The following RBFOX2 variants were observed in gnomAD, a reference collection of about 807,000 sequenced individuals.
The protein encoded by RBFOX2 is RNA binding protein fox-1 homolog 2.
RBFOX2 carries 10 observed loss-of-function variants against 49.1 expected under a neutral mutation model. The ratio of observed to expected loss-of-function variants is 0.20; its 90% confidence interval spans 0.13 to 0.35. The LOEUF is 0.35. Ranked by LOEUF, RBFOX2 falls within the 10% of genes least tolerant of loss-of-function variation. RBFOX2 has a pLI of 1.00. For missense variants in RBFOX2, 323 were observed against 486.9 expected (o/e 0.66, Z 3.17); for synonymous variants, 183 against 187.4 (o/e 0.98, Z 0.19).
intron 1 of RBFOX2, among the ~76,000 whole-genome samples, chr22:35,944,753 T>C (rs192775172): frequency 2.0e-5 from 3 of 151,994 alleles, no homozygotes; most frequent in African/African-American, 7.2e-5. Flanking sequence ...AAACTGGAAA[T>C]ACACAACAAA....
intron 1 of RBFOX2, among the ~76,000 whole-genome samples, chr22:35,946,313 G>A (rs1346805245): frequency 6.6e-6 from 1 of 152,184 alleles, no homozygotes; most frequent in Non-Finnish European, 1.5e-5. Context: ...ACAGATATAT[G>A]TAACTCCTTT....
chr22:35,842,204 G>GTAAC (rs1220738702), upstream of RBFOX2, among the ~76,000 whole-genome samples: 1 of 152,192 alleles, frequency 6.6e-6, no homozygotes, highest in Non-Finnish European at 1.5e-5. Context: ...AGAAACTGAT[G>GTAAC]TAACATAGTA....
chr22:35,788,488 G>T (rs532205040), intron 2 of RBFOX2, among the ~76,000 whole-genome samples: 1 of 152,192 alleles, frequency 6.6e-6, no homozygotes, highest in Non-Finnish European at 1.5e-5. Context: ...GTTTAGCACA[G>T]TAAATTTTTT....
intron 1 of RBFOX2, chr22:35,998,942 T>A (rs2058299655): frequency 6.5e-6 from 1 of 152,686 alleles, no homozygotes. Flanking sequence ...CCACAATAAC[T>A]TCCTTTCCAA....
At chr22:35,975,804 T>C (rs1330090298) in intron 1 of RBFOX2, among the ~76,000 whole-genome samples, 1 of 152,242 alleles carries the variant, frequency 6.6e-6, no homozygotes, top group Non-Finnish European at 1.5e-5. Flanking sequence ...ATATTCCAAT[T>C]TGATTTCTGG....
At chr22:35,778,691 C>A (rs1944470276) in intron 3 of RBFOX2, among the ~76,000 whole-genome samples, 1 of 151,742 alleles carries the variant, frequency 6.6e-6, no homozygotes, top group Admixed American at 6.6e-5. Flanking sequence ...GGCTGGAGTC[C>A]AGTGGCACGA....
intron 1 of RBFOX2, among the ~76,000 whole-genome samples, chr22:35,878,614 T>C (rs910421419): frequency 2.6e-5 from 4 of 152,140 alleles, no homozygotes; most frequent in Non-Finnish European, 5.9e-5. Flanking sequence ...ATTTTTAAAC[T>C]TGCTTTTGTA....
intron 1 of RBFOX2, among the ~76,000 whole-genome samples, chr22:35,957,638 A>T (rs1409023151): frequency 2.1e-4 from 32 of 152,218 alleles, no homozygotes. Context: ...TTGATAATGG[A>T]AACTCAGGTT....
chr22:35,916,664 C>T (rs887119884), intron 1 of RBFOX2, among the ~76,000 whole-genome samples: 6 of 151,996 alleles, frequency 3.9e-5, no homozygotes, highest in African/African-American at 1.2e-4. Flanking sequence ...AAGAGGCTGA[C>T]GCGGGCGGGT....
upstream of RBFOX2, chr22:35,939,265 G>T (rs756143571): frequency 2.1e-6 from 1 of 481,514 alleles, no homozygotes; most frequent in Non-Finnish European, 4.1e-6. Context: ...TAAGCCGTTA[G>T]CACCCCTAAA....
intron 1 of RBFOX2, among the ~76,000 whole-genome samples, chr22:35,916,066 C>T (rs917976173): frequency 6.6e-6 from 1 of 152,174 alleles, no homozygotes; most frequent in Non-Finnish European, 1.5e-5. Context: ...ACATAAGTGA[C>T]TTAGCTCTCT....
intron 1 of RBFOX2, chr22:35,898,362 T>C (rs903845885): frequency 1.7e-5 from 11 of 660,754 alleles, no homozygotes; most frequent in African/African-American, 9.0e-5. Flanking sequence ...GAATGTGACA[T>C]TGGCAGGGCC....
chr22:35,840,471 C>G, exon 1 of RBFOX2: 1 of 1,406,408 alleles, frequency 7.1e-7, no homozygotes, highest in East Asian at 2.6e-5. Context: ...GAAGGAAGCC[C>G]CACCCCTGAA....
At chr22:35,804,089 C>T (rs2060694654) in intron 2 of RBFOX2, among the ~76,000 whole-genome samples, 1 of 152,064 alleles carries the variant, frequency 6.6e-6, no homozygotes, top group Admixed American at 6.6e-5. Flanking sequence ...ACCAGCCTGG[C>T]CAACATGGTG....
intron 1 of RBFOX2, among the ~76,000 whole-genome samples, 190 bp downstream of exon 1, chr22:36,028,050 C>G (rs1419912007): frequency 6.6e-6 from 1 of 152,144 alleles, no homozygotes; most frequent in Non-Finnish European, 1.5e-5. Context: ...TCGGGCACAC[C>G]AGGTTCAGTC....
chr22:35,827,448 T>G (rs1180123333), intron 1 of RBFOX2, among the ~76,000 whole-genome samples: 1 of 152,224 alleles, frequency 6.6e-6, no homozygotes, highest in East Asian at 1.9e-4. Context: ...AATGACTTTT[T>G]TCCCCCCATT....
intron 1 of RBFOX2, among the ~76,000 whole-genome samples, chr22:35,831,944 C>A (rs1956882644): frequency 6.6e-6 from 1 of 152,192 alleles, no homozygotes; most frequent in Non-Finnish European, 1.5e-5. Flanking sequence ...TCCTGCCAAT[C>A]AGCTGAGGGC....
At chr22:35,837,525 A>G (rs185563626) in intron 1 of RBFOX2, among the ~76,000 whole-genome samples, 4 of 152,160 alleles carry the variant, frequency 2.6e-5, no homozygotes, top group Non-Finnish European at 5.9e-5. Context: ...ACACACACAC[A>G]CGCAGGCACA....
intron 1 of RBFOX2, among the ~76,000 whole-genome samples, chr22:35,968,900 G>A (rs767393199): frequency 6.6e-6 from 1 of 152,170 alleles, no homozygotes; most frequent in Non-Finnish European, 1.5e-5. Context: ...CAATTCCTAC[G>A]ATTTTCCTCC....
Sources: allele counts gnomAD v4.1 joint callset (sites outside exome capture counted in the v4.1 genomes callset), GRCh38; gene constraint gnomAD v4.1.1; transcripts MANE v1.5; gene names NCBI Gene and HGNC (gene_info 2026-07-23, HGNC 2026-07-21).